EYA2: variants seen among roughly 807,000 people sequenced by gnomAD.
EYA2 encodes the protein protein phosphatase EYA2.
EYA2 carries 31 observed loss-of-function variants against 69.2 expected under a neutral mutation model. That is an observed-to-expected ratio of 0.45 (90% CI 0.34 to 0.60). EYA2 has a LOEUF of 0.60. Ranked by LOEUF, EYA2 falls within the 20% of genes least tolerant of loss-of-function variation. The pLI, the probability that EYA2 is intolerant of heterozygous loss-of-function variation, is 0.02. For synonymous variants in EYA2, 257 were observed against 279.4 expected (o/e 0.92, Z 0.80); for missense variants, 622 against 701.2 (o/e 0.89, Z 1.28).
chr20:46,950,992 C>T (rs1978762282), intron 1 of EYA2, among the ~76,000 whole-genome samples: 1 of 152,168 alleles, frequency 6.6e-6, no homozygotes. Flanking sequence ...AGTAATCCCT[C>T]CTTAGGGGTG....
intron 1 of EYA2, among the ~76,000 whole-genome samples, chr20:46,920,787 A>C (rs188784426): frequency 6.6e-6 from 1 of 152,322 alleles, no homozygotes; most frequent in East Asian, 1.9e-4. Flanking sequence ...ACCTCTCCAG[A>C]GGGCCAGAGC....
intron 1 of EYA2, among the ~76,000 whole-genome samples, chr20:46,896,832 A>G (rs959658463): frequency 2.0e-5 from 3 of 152,172 alleles, no homozygotes; most frequent in Non-Finnish European, 4.4e-5. Flanking sequence ...TCACAATATC[A>G]TTCACTATTT....
intron 1 of EYA2, among the ~76,000 whole-genome samples, chr20:46,926,765 T>A (rs929336356): frequency 1.3e-5 from 2 of 152,220 alleles, no homozygotes; most frequent in East Asian, 3.8e-4. Flanking sequence ...TATATCTCTT[T>A]ATAATTTTAA....
At chr20:47,181,051 C>G in intron 14 of EYA2, 115 bp downstream of exon 14, 1 of 1,405,230 alleles carries the variant, frequency 7.1e-7, no homozygotes. Context: ...TGGAGTGTGC[C>G]TATGGCCATG....
chr20:46,906,495 G>A (rs1010756904), intron 1 of EYA2, among the ~76,000 whole-genome samples: 2 of 152,136 alleles, frequency 1.3e-5, no homozygotes, highest in African/African-American at 4.8e-5. Context: ...CATCTAGTCT[G>A]TGTCTTGTAT....
At chr20:47,088,398 T>C (rs1253403526) in intron 7 of EYA2, among the ~76,000 whole-genome samples, 1 of 152,186 alleles carries the variant, frequency 6.6e-6, no homozygotes, top group East Asian at 1.9e-4. Flanking sequence ...AAATACGTGT[T>C]GCCCTCCTTC....
chr20:47,047,017 T>C (rs2030073811), intron 5 of EYA2, among the ~76,000 whole-genome samples: 1 of 152,200 alleles, frequency 6.6e-6, no homozygotes, highest in Non-Finnish European at 1.5e-5. Context: ...AAAAATAAGA[T>C]CAGATTAGGG....
At chr20:46,913,252 T>C (rs909325041) in intron 1 of EYA2, among the ~76,000 whole-genome samples, 2 of 152,144 alleles carry the variant, frequency 1.3e-5, no homozygotes, top group Non-Finnish European at 2.9e-5. Flanking sequence ...CCTGAAACTA[T>C]CTGGCAGAAG....
intron 2 of EYA2, among the ~76,000 whole-genome samples, chr20:46,996,059 C>G (rs1224266133): frequency 2.0e-5 from 3 of 152,188 alleles, no homozygotes; most frequent in African/African-American, 7.2e-5. Context: ...GAAAGAACAT[C>G]AACAAATTAT....
intron 9 of EYA2, among the ~76,000 whole-genome samples, chr20:47,129,899 G>A (rs553221716): frequency 2.8e-4 from 42 of 152,260 alleles, no homozygotes; most frequent in African/African-American, 8.7e-4. Context: ...TTAATCCCTT[G>A]CTCCTTGGAA....
chr20:47,018,319 A>C (rs1568727043), intron 5 of EYA2, among the ~76,000 whole-genome samples: 1 of 152,186 alleles, frequency 6.6e-6, no homozygotes, highest in Non-Finnish European at 1.5e-5. Context: ...TCATTCATTC[A>C]TTCCGTATGT....
Position 47,128,761 on chromosome 20 carries a change from G to A in EYA2, c.889-14298G>A, listed in dbSNP as rs147818328. Among the ~76,000 whole-genome samples, 27 of 152,246 alleles carry A rather than the reference G, an allele frequency of 1.8e-4. 1 individual carries two copies. Among genetic ancestry groups the A allele is most frequent in the African/African-American group, 6.0e-4 (25 of 41,528 alleles). ...AGTTTTGATTTATCTGTAAAACAGGGAAAAGATATTTTGAGGAGGAAATGG... is the reference window on the plus strand; with the variant it reads ...AGTTTTGATTTATCTGTAAAACAGGAAAAAGATATTTTGAGGAGGAAATGG... On this transcript the variant is annotated intron_variant, in intron 9 of 15. Transcript: ENST00000327619.
intron 5 of EYA2, among the ~76,000 whole-genome samples, chr20:47,069,447 C>T (rs186701913): frequency 1.3e-5 from 2 of 152,246 alleles, no homozygotes; most frequent in East Asian, 3.9e-4. Context: ...CTAGATTGCG[C>T]CTCTGCACTC....
chr20:46,965,358 T>G (rs921243288), intron 1 of EYA2, among the ~76,000 whole-genome samples: 9 of 152,246 alleles, frequency 5.9e-5, no homozygotes, highest in African/African-American at 1.9e-4. Flanking sequence ...CCTTAATCCC[T>G]TCTCTCCATG....
rs377734919 is a variant in EYA2 at position 47,149,863 on chromosome 20, A to G, written c.978+6715A>G. Among the ~76,000 whole-genome samples the G allele has an allele frequency of 4.6e-5, 7 of 152,270 alleles. No homozygotes were observed. In the East Asian group the frequency reaches 1.2e-3, roughly 25 times the overall value. On this transcript the variant is annotated intron_variant, in intron 10 of 15. Transcript: ENST00000327619. ...CAAGACTTCATCTCAAAATAAGTAA[A>G]TAAATACATACATACACACATACAC...
chr20:46,971,080 T>TAAC, intron 1 of EYA2, among the ~76,000 whole-genome samples: 1 of 147,176 alleles, frequency 6.8e-6, no homozygotes, highest in East Asian at 2.0e-4. Context: ...ATAAAGTTGC[T>TAAC]ACACACACAC....
intron 7 of EYA2, among the ~76,000 whole-genome samples, chr20:47,086,921 G>A (rs187857338): frequency 2.1e-5 from 3 of 142,726 alleles, no homozygotes; most frequent in Admixed American, 1.4e-4. Flanking sequence ...GTTTTAATGG[G>A]GGGGGCAAAC....
chr20:47,107,516 ACT>A (rs1241097451), intron 9 of EYA2, among the ~76,000 whole-genome samples: 1 of 95,152 alleles, frequency 1.1e-5, no homozygotes, highest in East Asian at 3.1e-4. Context: ...ACAGAGTGAG[ACT>A]CTGTATCAAA....
chr20:47,033,420 T>C (rs935052657), intron 5 of EYA2, among the ~76,000 whole-genome samples: 23 of 152,222 alleles, frequency 1.5e-4, no homozygotes. Flanking sequence ...GGCATGGCTG[T>C]GTTCCAATAA....
Sources: gnomAD v4.1 joint callset for allele counts (sites outside exome capture counted in the v4.1 genomes callset) on GRCh38, gnomAD v4.1.1 for gene constraint, MANE v1.5 for transcripts, NCBI Gene and HGNC (gene_info 2026-07-23, HGNC 2026-07-21) for gene names.